The following SACS variants were observed in gnomAD, a reference collection of about 807,000 sequenced individuals.
The protein encoded by SACS is sacsin.
In SACS, 197 loss-of-function variants were observed where a neutral mutation model predicts 348.0. That is an observed-to-expected ratio of 0.57 (90% CI 0.50 to 0.64). SACS has a LOEUF of 0.64. Among genes scored for constraint, SACS ranks in the 30% least tolerant of loss-of-function variants. The pLI is 0.00. For synonymous variants in SACS, 1,985 were observed against 1,910.6 expected (o/e 1.04, Z -1.02); for missense variants, 4,999 against 5,360.8 (o/e 0.93, Z 2.11).
At chr13:23,347,816 G>A (rs867419846) in intron 9 of SACS, among the ~76,000 whole-genome samples, 2 of 152,148 alleles carry the variant, frequency 1.3e-5, no homozygotes, top group Admixed American at 6.5e-5. Context: ...ACACCTGAGG[G>A]AGGGACAGAA....
intron 1 of SACS, among the ~76,000 whole-genome samples, chr13:23,430,815 T>G (rs1874405387): frequency 6.6e-6 from 1 of 152,146 alleles, no homozygotes; most frequent in Non-Finnish European, 1.5e-5. Flanking sequence ...TTAAAACAAA[T>G]GTTTGTCTGG....
intron 2 of SACS, among the ~76,000 whole-genome samples, chr13:23,402,932 C>T (rs1873041918): frequency 6.7e-6 from 1 of 150,046 alleles, no homozygotes; most frequent in South Asian, 2.2e-4. Flanking sequence ...AATCCCAGCA[C>T]TTTGGGAGGC....
chr13:23,334,344 GAT>G lies in SACS; in HGVS notation c.9530_9531del (p.Tyr3177SerfsTer2). The G allele has an allele frequency of 6.2e-7, 1 of 1,612,204 alleles. No individual in the cohort carries two copies. Among genetic ancestry groups the G allele is most frequent in the Non-Finnish European group, 8.5e-7 (1 of 1,179,076 alleles). ...DAKRPKFLTT[Y>X]HELIPSRKDL... ...TCTTTGCGGGATGGAATCAATTCATGATATGTTGTTAGAAACTTGGGTCGTTT... is the reference window on the plus strand; with the variant it reads ...TCTTTGCGGGATGGAATCAATTCATGATGTTGTTAGAAACTTGGGTCGTTT... On this transcript the variant is annotated frameshift_variant, in exon 10 of 10. Transcript: ENST00000382292. LOFTEE classifies it high-confidence loss of function.
chr13:23,428,395 T>C (rs934493441), intron 1 of SACS: 1 of 152,030 alleles, frequency 6.6e-6, no homozygotes, highest in African/African-American at 2.4e-5. Context: ...AAATAGAATA[T>C]TTGCAAAATG....
Position 23,344,942 on chromosome 13 carries a change from AGAAT to A in SACS, c.2186-3256_2186-3253del, listed in dbSNP as rs1280833378. 3.3e-5 allele frequency among the ~76,000 whole-genome samples: 5 copies of A among 152,226 alleles called. No homozygotes were observed. In the East Asian group the frequency reaches 5.8e-4, roughly 18 times the overall value. ...ACATTTATGTTCAGTGCTAACCTTG[AGAAT>A]GAATTCCAGCACAGATGGAAATATT... On this transcript the variant is annotated intron_variant, in intron 9 of 9. Coordinates refer to ENST00000382292, the MANE Select transcript of SACS (RefSeq NM_014363.6).
rs757799301 is a variant in SACS at position 23,355,791 on chromosome 13, G to C, written c.821C>G (p.Pro274Arg). Reference protein sequence around the residue: ...GNFPGTFFRFPLRLQPSQLSS... With the variant: ...GNFPGTFFRFRLRLQPSQLSS... The stretch of plus-strand genomic sequence containing the variant: ...AAGTTGTGAAGGTTGTAGGCGAAGA[G>C]GGAAACGGAAAAATGTTCCTGGAAA... Residue 274 changes from proline (P) to arginine (R), a missense_variant, in exon 8 of 10, where the codon CCT (proline) becomes CGT (arginine). By Grantham distance (103) the Pro-to-Arg change is moderately radical. Around this residue, in one of 6 missense-constraint regions of SACS, gnomAD observed 3,156 missense variants for 3,380.1 expected, o/e 0.93. Transcript: ENST00000382292. 1.9e-6 allele frequency: 3 copies of C among 1,614,176 alleles called. No homozygotes were observed. The Admixed American group carries it at 5.0e-5, about 27-fold the overall frequency.
At chr13:23,368,968 G>T (rs372236545) in intron 4 of SACS, among the ~76,000 whole-genome samples, 3 of 152,090 alleles carry the variant, frequency 2.0e-5, no homozygotes, top group Non-Finnish European at 4.4e-5. Context: ...CAAAGTGCTG[G>T]GATTCCAGGC....
chr13:23,411,606 G>T lies in SACS; in HGVS notation c.-367C>A, dbSNP rs145469796. 363 of 214,000 alleles carry T rather than the reference G, an allele frequency of 1.7e-3. 2 individuals carry two copies. The highest frequency in any genetic ancestry group is 7.7e-3 in the African/African-American group (334 of 43,148). 13.3% of individuals were successfully genotyped at this position (214,000 alleles called of 1,614,324 possible). ...GAATTTTCTGTATTTCTTTTTGAAGGTTCTTGGGGAAAACGTCGCAGAAAT... is the reference window on the plus strand; with the variant it reads ...GAATTTTCTGTATTTCTTTTTGAAGTTTCTTGGGGAAAACGTCGCAGAAAT... On this transcript the variant is annotated 5_prime_UTR_variant, in exon 2 of 10. Transcript: ENST00000382292.
In SACS at chr13:23,339,354, T is replaced by G. The variant is rs144653411; in HGVS notation, c.4522A>C (p.Asn1508His). ...DMRRNMDIRE[N>H]LLDPGMAACH... ...GCTGCCATCCCTGGGTCTAGGAGAT[T>G]CTCTCTTATGTCCATATTTCTTCTC... Residue 1508 changes from asparagine (N) to histidine (H), a missense_variant, in exon 10 of 10, where the codon AAT becomes CAT. Asn to His is a moderately conservative substitution (Grantham distance 68, BLOSUM62 1). Around this residue, in one of 6 missense-constraint regions of SACS, gnomAD observed 3,156 missense variants for 3,380.1 expected, o/e 0.93. Coordinates refer to ENST00000382292, the MANE Select transcript of SACS (RefSeq NM_014363.6). The G allele has an allele frequency of 6.2e-7, 1 of 1,613,296 alleles. No individual in the cohort carries two copies. The highest frequency in any genetic ancestry group is 8.5e-7 in the Non-Finnish European group (1 of 1,179,750).
In SACS at chr13:23,335,880, T is replaced by A; in HGVS notation, c.7996A>T (p.Met2666Leu). The change falls in exon 10 of 10, where the codon ATG becomes TTG. Residue 2666 changes from methionine (M) to leucine (L), a missense_variant. Met to Leu is a conservative substitution (Grantham distance 15, BLOSUM62 2). Coordinates refer to ENST00000382292, the MANE Select transcript of SACS (RefSeq NM_014363.6). This position sits in a 1 kb window ranked among gnomAD's most constrained non-coding sequence, Gnocchi z 4.7. The part of the protein sequence containing the change: ...PGATSISPGR[M>L]FRDLDADFRT... Reference sequence around the variant, plus strand: ...AAATCTGCATCCAAATCTCTAAACATGCGTCCGGGACTAATGGATGTGGCC... The same window carrying A: ...AAATCTGCATCCAAATCTCTAAACAAGCGTCCGGGACTAATGGATGTGGCC... 4 of 1,613,896 alleles carry A rather than the reference T, an allele frequency of 2.5e-6. No individual in the cohort carries two copies. The highest frequency in any genetic ancestry group is 3.4e-6 in the Non-Finnish European group (4 of 1,179,874).
chr13:23,353,367 G>A (rs1870097649), intron 9 of SACS, among the ~76,000 whole-genome samples: 1 of 152,198 alleles, frequency 6.6e-6, no homozygotes, highest in Non-Finnish European at 1.5e-5. Context: ...GCAAGTGGAA[G>A]ACCTGACCTC....
chr13:23,339,055 T>C lies in SACS; in HGVS notation c.4821A>G (p.Gln1607=), dbSNP rs2137624161. Residue 1607 remains glutamine (Q), a synonymous_variant, in exon 10 of 10, where the codon CAA becomes CAG. Transcript: ENST00000382292. The part of the protein sequence containing the change: ...NPGIKINWSK[Q]QKRLRKFPNQ... Reference sequence around the variant, plus strand: ...TAGGAAATTTTCTAAGTCTTTTCTGTTGTTTACTCCAATTAATTTTGATCC... The same window carrying C: ...TAGGAAATTTTCTAAGTCTTTTCTGCTGTTTACTCCAATTAATTTTGATCC... 5 of 1,613,176 alleles carry C rather than the reference T, an allele frequency of 3.1e-6. No individual in the cohort carries two copies. In the South Asian group the frequency reaches 4.4e-5, roughly 14 times the overall value.
chr13:23,362,729 A>T (rs1171716501), intron 6 of SACS, among the ~76,000 whole-genome samples: 1 of 149,066 alleles, frequency 6.7e-6, no homozygotes, highest in Non-Finnish European at 1.5e-5. Flanking sequence ...GGGATTACAG[A>T]TATGCATCAC....
chr13:23,382,167 T>C (rs867522832), intron 2 of SACS, among the ~76,000 whole-genome samples: 53 of 152,344 alleles, frequency 3.5e-4, no homozygotes, highest in Middle Eastern at 3.4e-3. Context: ...TTTTTTGTTT[T>C]TTTTGAGACG....
intron 1 of SACS, among the ~76,000 whole-genome samples, chr13:23,419,548 CCTTTA>C (rs1566111676): frequency 6.6e-6 from 1 of 151,980 alleles, no homozygotes; most frequent in Admixed American, 6.6e-5. Flanking sequence ...TCCATGTCAC[CCTTTA>C]CTTCTTGGAT....
intron 2 of SACS, among the ~76,000 whole-genome samples, chr13:23,380,231 A>C (rs953490743): frequency 7.2e-5 from 11 of 151,978 alleles, no homozygotes; most frequent in Non-Finnish European, 1.3e-4. Context: ...AGAAAGGATG[A>C]TGCTGACTGG....
chr13:23,397,273 G>C (rs1246078939), intron 2 of SACS, among the ~76,000 whole-genome samples: 2 of 152,156 alleles, frequency 1.3e-5, no homozygotes, highest in Non-Finnish European at 2.9e-5. Flanking sequence ...AGGGAAAAGA[G>C]AGTAATTTTG....
rs781380453 is a variant in SACS, at chr13:23,338,002, T to A, written c.5874A>T (p.Val1958=). 1.2e-6 allele frequency: 2 copies of A among 1,613,894 alleles called. No homozygotes were observed. Among genetic ancestry groups the A allele is most frequent in the Non-Finnish European group, 1.7e-6 (2 of 1,179,930 alleles). ...DPDLVHDDFS[V]ICQGFYEDIA... is the part of the protein sequence containing the mutation. ...TATCTTCATAAAATCCTTGGCAAAT[T>A]ACAGAAAAATCATCATGAACTAAAT... The change falls in exon 10 of 10, where the codon GTA becomes GTT. Residue 1958 remains valine, a synonymous_variant. Coordinates refer to ENST00000382292, the MANE Select transcript of SACS (RefSeq NM_014363.6).
chr13:23,410,585 GA>G (rs1299017921), intron 2 of SACS, among the ~76,000 whole-genome samples: 4 of 151,864 alleles, frequency 2.6e-5, no homozygotes, highest in Non-Finnish European at 4.4e-5. Flanking sequence ...ATGTAATATC[GA>G]AATACAGCAT....
Sources: gnomAD v4.1 joint callset for allele counts (sites outside exome capture counted in the v4.1 genomes callset) on GRCh38, gnomAD v4.1.1 for gene constraint, gnomAD v4.1.1 regional missense constraint, Gnocchi (gnomAD v3.1) non-coding constraint, MANE v1.5 for transcripts, NCBI Gene and HGNC (gene_info 2026-07-23, HGNC 2026-07-21) for gene names.